The following TLE1 variants were observed in gnomAD, a reference collection of about 807,000 sequenced individuals.
TLE1 encodes transducin-like enhancer protein 1.
A neutral mutation model predicts 89.8 loss-of-function variants in TLE1; 21 were observed. The ratio of observed to expected loss-of-function variants is 0.23; its 90% CI spans 0.17 to 0.34. TLE1 has a LOEUF of 0.34. Among genes scored for constraint, TLE1 ranks in the 10% least tolerant of loss-of-function variants. The pLI, the probability that TLE1 is intolerant of heterozygous loss-of-function variation, is 1.00. For synonymous variants in TLE1, 447 were observed against 407.6 expected (o/e 1.10, Z -1.16); for missense variants, 795 against 1,031.2 (o/e 0.77, Z 3.14).
intron 6 of TLE1, among the ~76,000 whole-genome samples, chr9:81,648,365 G>C (rs1424584582): frequency 1.3e-5 from 2 of 151,954 alleles, no homozygotes; most frequent in African/African-American, 2.4e-5. Flanking sequence ...TTAGGAGAAG[G>C]GGAAAAACTG....
rs1445638954 is a variant in TLE1 at position 81,685,664 on chromosome 9, A to T, written c.234+12T>A. On this transcript the variant is annotated intron_variant, in intron 4 of 19. Transcript: ENST00000376499. The stretch of plus-strand genomic sequence containing the variant: ...ATGTCTCATTTCAGCTTGAAGTTCA[A>T]CTAAAGCTTACCTGTTTGTGCATTT... 1 of 1,612,942 alleles carries T rather than the reference A, an allele frequency of 6.2e-7. No homozygotes were observed.
chr9:81,665,876 A>T (rs200474319), intron 4 of TLE1, among the ~76,000 whole-genome samples: 20 of 120,648 alleles, frequency 1.7e-4, no homozygotes, highest in Non-Finnish European at 2.4e-4. Flanking sequence ...TTTTTTTTTT[A>T]AAGAATTCAG....
Position 81,616,142 on chromosome 9 carries a change from A to T in TLE1, c.766-8T>A, listed in dbSNP as rs1356845584. ...TCGCGGAGAAGAAGGGTCCTCAACA[A>T]GCATAATCAAAAGTTTTCGTGATTT... On this transcript the variant is annotated splice_polypyrimidine_tract_variant and splice_region_variant and intron_variant, in intron 10 of 19. Transcript: ENST00000376499. 4.4e-6 allele frequency: 7 copies of T among 1,592,828 alleles called. No individual in the cohort carries two copies. The highest frequency in any genetic ancestry group is 3.8e-5 in the Admixed American group (2 of 53,170).
At position 81,648,510 on chromosome 9, in the gene TLE1, C is replaced by T. The variant is rs115651880; in HGVS notation, c.372+3704G>A. Among the ~76,000 whole-genome samples the T allele has an allele frequency of 8.2e-3, 1,240 of 152,126 alleles. 15 individuals carry two copies. Among genetic ancestry groups the T allele is most frequent in the African/African-American group, 0.028 (1,160 of 41,504 alleles). On this transcript the variant is annotated intron_variant, in intron 6 of 19. Coordinates refer to ENST00000376499, the MANE Select transcript of TLE1 (RefSeq NM_005077.5). Reference sequence around the variant, plus strand: ...ACAATTATACATCAACTGAAAAAAACAAATATATGTGTGTACAGATATGTA... The same window carrying T: ...ACAATTATACATCAACTGAAAAAAATAAATATATGTGTGTACAGATATGTA...
intron 4 of TLE1, among the ~76,000 whole-genome samples, chr9:81,675,740 C>T (rs1832822919): frequency 8.1e-6 from 1 of 123,156 alleles, no homozygotes. Flanking sequence ...CTCGCTCTGT[C>T]GCCAGGCTGG....
Position 81,616,656 on chromosome 9 carries a change from A to T in TLE1, c.755T>A (p.Val252Glu). The stretch of plus-strand genomic sequence containing the variant: ...GAAAAGAATGGTTACCTCATTAGAC[A>T]CATCCACAACTAAGTTGTCATCGCT... The part of the protein sequence containing the change: ...DKSDDNLVVD[V>E]SNEDPSSPRA... The change falls in exon 10 of 20, where the codon GTG becomes GAG. Residue 252 changes from valine (V) to glutamate (E), a missense_variant. Around this residue, in one of 4 missense-constraint regions of TLE1, gnomAD observed 468 missense variants for 509.1 expected, o/e 0.92. Coordinates refer to ENST00000376499, the MANE Select transcript of TLE1 (RefSeq NM_005077.5). 1 of 1,614,142 alleles carries T rather than the reference A, an allele frequency of 6.2e-7. No homozygotes were observed. Among genetic ancestry groups the T allele is most frequent in the Non-Finnish European group, 8.5e-7 (1 of 1,180,006 alleles).
chr9:81,665,521 A>G (rs192451192), intron 4 of TLE1, among the ~76,000 whole-genome samples: 73 of 149,026 alleles, frequency 4.9e-4, no homozygotes, highest in African/African-American at 1.5e-3. Context: ...GAAAGGAAGG[A>G]AAAAAAAAAC....
chr9:81,591,396 C>T (rs1288487477), intron 15 of TLE1, among the ~76,000 whole-genome samples: 1 of 152,196 alleles, frequency 6.6e-6, no homozygotes, highest in African/African-American at 2.4e-5. Context: ...TTATTTACCA[C>T]TTGGAAACTG....
intron 5 of TLE1, among the ~76,000 whole-genome samples, chr9:81,653,747 A>G (rs920338587): frequency 6.6e-6 from 1 of 152,228 alleles, no homozygotes; most frequent in African/African-American, 2.4e-5. Flanking sequence ...GTCATTTTGC[A>G]GTTTTCCACA....
At chr9:81,644,880 A>C (rs1828627850) in intron 6 of TLE1, among the ~76,000 whole-genome samples, 1 of 150,400 alleles carries the variant, frequency 6.6e-6, no homozygotes, top group South Asian at 2.1e-4. Context: ...TGTAATCCCA[A>C]TTACTCGGGA....
At chr9:81,594,773 C>A (rs1829987176) in intron 14 of TLE1, among the ~76,000 whole-genome samples, 1 of 152,120 alleles carries the variant, frequency 6.6e-6, no homozygotes, top group Non-Finnish European at 1.5e-5. Context: ...CTTAAATTTT[C>A]ATTTTAATAC....
In TLE1 at chr9:81,616,579, G is replaced by A. The variant is rs1038383008; in HGVS notation, c.765+67C>T. 1.9e-6 allele frequency: 3 copies of A among 1,564,318 alleles called. No homozygotes were observed. In the East Asian group the frequency reaches 6.7e-5, roughly 35 times the overall value. On this transcript the variant is annotated intron_variant, in intron 10 of 19. Transcript: ENST00000376499. ...AGGGGCTCTACTTCCTTCATTCACT[G>A]TTAGTTTTTTTTCATAACATTATTC...
chr9:81,661,618 T>C (rs1830804792), intron 4 of TLE1, among the ~76,000 whole-genome samples: 2 of 152,052 alleles, frequency 1.3e-5, no homozygotes, highest in African/African-American at 4.8e-5. Context: ...AAAAACACAG[T>C]GGAGTGTTGG....
At chr9:81,602,351 G>T (rs975694701) in intron 14 of TLE1, among the ~76,000 whole-genome samples, 2 of 152,198 alleles carry the variant, frequency 1.3e-5, no homozygotes, top group African/African-American at 2.4e-5. Context: ...TTCAGGACCA[G>T]AAGTGTTTCT....
intron 13 of TLE1, 76 bp from the exon 14 acceptor site, chr9:81,610,372 G>C: frequency 2.9e-6 from 3 of 1,047,030 alleles, no homozygotes; most frequent in Non-Finnish European, 4.4e-6. Context: ...CTGTTCATTA[G>C]AAACTCACAG....
Position 81,588,899 on chromosome 9 carries a change from C to G in TLE1, c.1830-1071G>C, listed in dbSNP as rs760112235. ...CTTATCATTCCTGTAGAGCTCCAAA[C>G]TTTTAACCTGAGCTTGGATTTTAAA... On this transcript the variant is annotated intron_variant, in intron 16 of 19. Transcript: ENST00000376499. Among the ~76,000 whole-genome samples, 4 of 152,198 alleles carry G rather than the reference C, an allele frequency of 2.6e-5. No homozygotes were observed. In the South Asian group the frequency reaches 8.3e-4, roughly 31 times the overall value.
At chr9:81,631,489 T>C (rs989066713) in intron 8 of TLE1, among the ~76,000 whole-genome samples, 8 of 152,342 alleles carry the variant, frequency 5.3e-5, no homozygotes, top group African/African-American at 1.9e-4. Flanking sequence ...TTCTCCAGTC[T>C]TGCTTCTTTT....
At chr9:81,656,889 T>A (rs928141173) in intron 4 of TLE1, among the ~76,000 whole-genome samples, 1 of 152,164 alleles carries the variant, frequency 6.6e-6, no homozygotes, top group African/African-American at 2.4e-5. Flanking sequence ...AACTGCTGGG[T>A]CAAAGTGTAT....
intron 11 of TLE1, 65 bp from the exon 12 acceptor site, chr9:81,613,586 A>G: frequency 6.4e-7 from 1 of 1,574,182 alleles, no homozygotes; most frequent in South Asian, 1.2e-5. Context: ...ACAATTTATC[A>G]CAACAGCAGC....
Sources: allele counts gnomAD v4.1 joint callset (sites outside exome capture counted in the v4.1 genomes callset), GRCh38; gene constraint gnomAD v4.1.1; regional missense constraint gnomAD v4.1.1; transcripts MANE v1.5; gene names NCBI Gene and HGNC (gene_info 2026-07-23, HGNC 2026-07-21).